Variants in DTNB observed in about 807,000 individuals in gnomAD.
DTNB encodes DTN-B.
A neutral mutation model predicts 90.7 loss-of-function variants in DTNB; 63 were observed. That is an observed-to-expected ratio of 0.69 (90% CI 0.57 to 0.86). The LOEUF (loss-of-function observed/expected upper bound fraction) is 0.86. Among genes scored for constraint, DTNB ranks in the 40% least tolerant of loss-of-function variants. DTNB has a pLI of 0.00. For missense variants in DTNB, 744 were observed against 807.1 expected, an observed-to-expected ratio of 0.92 and a Z score of 0.95; for synonymous variants, 277 against 286.7, an observed-to-expected ratio of 0.97 and a Z score of 0.34.
intron 16 of DTNB, among the ~76,000 whole-genome samples, chr2:25,404,011 A>C (rs2044398372): frequency 1.3e-5 from 2 of 152,160 alleles, no homozygotes; most frequent in African/African-American, 4.8e-5. Flanking sequence ...CTCTGCACCT[A>C]AGGTTCTTCA....
At chr2:25,665,067 G>A (rs1198198500) in intron 1 of DTNB, among the ~76,000 whole-genome samples, 1 of 152,046 alleles carries the variant, frequency 6.6e-6, no homozygotes, top group Non-Finnish European at 1.5e-5. Context: ...TTTCACACCT[G>A]GACTACGTCT....
intron 3 of DTNB, among the ~76,000 whole-genome samples, chr2:25,635,224 G>C (rs2076891175): frequency 1.3e-5 from 2 of 152,146 alleles, no homozygotes; most frequent in East Asian, 3.9e-4. Context: ...CTTGAGGCCA[G>C]GAGTTCGAGA....
rs548912156 is a variant in DTNB at position 25,543,585 on chromosome 2, T to C, written c.877-11988A>G. ...ACCTAAAGTGCTGGGATTATAGGCA[T>C]GAGCCACTGCGCCTGGCTGAGACAG... On this transcript the variant is annotated intron_variant, in intron 8 of 20. Transcript: ENST00000406818. Among the ~76,000 whole-genome samples the C allele has an allele frequency of 1.3e-4, 20 of 152,330 alleles. No homozygotes were observed. The East Asian group carries it at 3.7e-3, about 28-fold the overall frequency.
intron 9 of DTNB, among the ~76,000 whole-genome samples, chr2:25,512,775 T>A (rs1246505451): frequency 1.3e-5 from 2 of 152,200 alleles, no homozygotes; most frequent in Non-Finnish European, 2.9e-5. Context: ...GTAGCCGGGC[T>A]GGGACATCAT....
chr2:25,616,954 G>GAAAAAAAAAAAAAAAAAAA (rs900643862), intron 4 of DTNB, among the ~76,000 whole-genome samples: 1 of 97,452 alleles, frequency 1.0e-5, no homozygotes, highest in Non-Finnish European at 1.9e-5. Context: ...AAAAAAAAAG[G>GAAAAAAAAAAAAAAAAAAA]AAAAAAAAGA....
At chr2:25,616,552 T>G (rs2070573762) in intron 4 of DTNB, among the ~76,000 whole-genome samples, 1 of 151,076 alleles carries the variant, frequency 6.6e-6, no homozygotes, top group Admixed American at 6.6e-5. Context: ...TCATTAAGAT[T>G]ATTATTAGTC....
rs1389279333 is a variant in DTNB at position 25,400,376 on chromosome 2, T to G, written c.1576-12015A>C. Reference sequence around the variant, plus strand: ...TCAAAAGCACAGATGGGCTTTATGTTCAGAGAGGCAGGCCCTTCTCCATGG... The same window carrying G: ...TCAAAAGCACAGATGGGCTTTATGTGCAGAGAGGCAGGCCCTTCTCCATGG... On this transcript the variant is annotated intron_variant, in intron 16 of 20. Coordinates refer to ENST00000406818, the MANE Select transcript of DTNB (RefSeq NM_021907.5). 2.6e-5 allele frequency among the ~76,000 whole-genome samples: 4 copies of G among 152,220 alleles called. No individual in the cohort carries two copies. The East Asian group carries it at 7.7e-4, about 29-fold the overall frequency.
At chr2:25,411,107 C>T (rs2046484066) in intron 16 of DTNB, among the ~76,000 whole-genome samples, 1 of 151,952 alleles carries the variant, frequency 6.6e-6, no homozygotes, top group Non-Finnish European at 1.5e-5. Context: ...GGCTGTAACC[C>T]CAGCACTTTG....
intron 4 of DTNB, among the ~76,000 whole-genome samples, chr2:25,615,793 T>C (rs1024011459): frequency 3.3e-5 from 5 of 152,224 alleles, no homozygotes; most frequent in African/African-American, 1.2e-4. Flanking sequence ...GGTATTTCCG[T>C]AGAAATCAAC....
At chr2:25,546,889 ATGCTGGAGTGCAGGTGGTGC>A (rs905295832) in intron 8 of DTNB, among the ~76,000 whole-genome samples, 11 of 150,966 alleles carry the variant, frequency 7.3e-5, no homozygotes, top group Non-Finnish European at 1.2e-4. Flanking sequence ...TCTGTTGCCC[ATGCTGGAGTGCAGGTGGTGC>A]AATCAGCGCT....
intron 9 of DTNB, 106 bp downstream of exon 9, chr2:25,531,367 G>A (rs1575444138): frequency 6.1e-6 from 9 of 1,472,378 alleles, no homozygotes; most frequent in Non-Finnish European, 8.1e-6. Context: ...GTAAAAACCT[G>A]AGAAGTTGAA....
At position 25,592,289 on chromosome 2, in the gene DTNB, T is replaced by G. The variant is rs574212829; in HGVS notation, c.603+3797A>C. Among the ~76,000 whole-genome samples, 18 of 152,152 alleles carry G rather than the reference T, an allele frequency of 1.2e-4. No individual in the cohort carries two copies. In the East Asian group the frequency reaches 3.3e-3, roughly 28 times the overall value. On this transcript the variant is annotated intron_variant, in intron 6 of 20. Transcript: ENST00000406818. ...GTATGAATATAGTTGATAAGAGCACTCCTGAAAAGTCTTAAAACCTAGGAT... is the reference window on the plus strand; with the variant it reads ...GTATGAATATAGTTGATAAGAGCACGCCTGAAAAGTCTTAAAACCTAGGAT...
intron 4 of DTNB, among the ~76,000 whole-genome samples, chr2:25,616,931 C>CCAA (rs2070818993): frequency 2.8e-5 from 2 of 70,556 alleles, no homozygotes; most frequent in East Asian, 4.2e-4. Flanking sequence ...GACCCCGTCT[C>CCAA]AAAAAAAAAA....
chr2:25,658,793 C>G (rs973940974), intron 1 of DTNB, among the ~76,000 whole-genome samples: 2 of 152,012 alleles, frequency 1.3e-5, no homozygotes, highest in Non-Finnish European at 2.9e-5. Flanking sequence ...AGGTGAAGCA[C>G]GGGGCAATTT....
At chr2:25,576,189 C>T (rs1221684753) in intron 8 of DTNB, among the ~76,000 whole-genome samples, 4 of 149,386 alleles carry the variant, frequency 2.7e-5, no homozygotes, top group African/African-American at 9.9e-5. Flanking sequence ...AAAGAATAAG[C>T]ATGGGGGGGC....
intron 16 of DTNB, among the ~76,000 whole-genome samples, chr2:25,399,136 C>T (rs1168701624): frequency 6.6e-6 from 1 of 152,138 alleles, no homozygotes; most frequent in East Asian, 1.9e-4. Context: ...GCAACCTCTG[C>T]CTCCTGGGTT....
intron 8 of DTNB, among the ~76,000 whole-genome samples, chr2:25,533,296 C>T (rs973787240): frequency 6.6e-6 from 1 of 152,086 alleles, no homozygotes; most frequent in Non-Finnish European, 1.5e-5. Context: ...AACTACACCC[C>T]ACCCTGGGCG....
At chr2:25,602,839 C>T (rs2066193819) in intron 5 of DTNB, among the ~76,000 whole-genome samples, 1 of 152,138 alleles carries the variant, frequency 6.6e-6, no homozygotes, top group Non-Finnish European at 1.5e-5. Context: ...TACACTTATG[C>T]ATTTTGATCT....
intron 12 of DTNB, among the ~76,000 whole-genome samples, chr2:25,446,571 T>A (rs1371045460): frequency 6.8e-6 from 1 of 147,344 alleles, no homozygotes; most frequent in Non-Finnish European, 1.5e-5. Flanking sequence ...TTTAAAGGGA[T>A]TTTTTTTTTC....
Sources: allele counts gnomAD v4.1 joint callset (sites outside exome capture counted in the v4.1 genomes callset), GRCh38; gene constraint gnomAD v4.1.1; transcripts MANE v1.5; gene names NCBI Gene and HGNC (gene_info 2026-07-23, HGNC 2026-07-21).